The following MAGI2 variants were observed in gnomAD, a reference collection of about 807,000 sequenced individuals.
MAGI2 encodes the protein membrane associated guanylate kinase, WW and PDZ domain containing 2, also known as membrane-associated guanylate kinase, WW and PDZ domain-containing protein 2.
A neutral mutation model predicts 133.3 loss-of-function variants in MAGI2; 35 were observed. The observed-to-expected ratio is 0.26, with a 90% CI of 0.20 to 0.35. The LOEUF (loss-of-function observed/expected upper bound fraction) is 0.35. Among genes scored for constraint, MAGI2 ranks in the 10% least tolerant of loss-of-function variants. The pLI, the probability that MAGI2 is intolerant of heterozygous loss-of-function variation, is 1.00. For synonymous variants in MAGI2, 729 were observed against 710.6 expected (o/e 1.03, Z -0.41); for missense variants, 1,636 against 1,863.4 (o/e 0.88, Z 2.25).
chr7:79,219,808 G>A (rs1178928384), intron 1 of MAGI2, among the ~76,000 whole-genome samples: 1 of 151,852 alleles, frequency 6.6e-6, no homozygotes, highest in Non-Finnish European at 1.5e-5. Flanking sequence ...TAGGCTATCT[G>A]GACACTGGAA....
At chr7:79,102,031 A>G (rs1818030868) in intron 1 of MAGI2, among the ~76,000 whole-genome samples, 1 of 152,222 alleles carries the variant, frequency 6.6e-6, no homozygotes, top group Admixed American at 6.5e-5. Context: ...TATCTTAAAC[A>G]CAGGTATATG....
chr7:78,328,173 G>A (rs1299323984), intron 9 of MAGI2, among the ~76,000 whole-genome samples: 1 of 151,976 alleles, frequency 6.6e-6, no homozygotes, highest in Non-Finnish European at 1.5e-5. Context: ...CGAGGAAATG[G>A]CAGGTGGTTA....
At chr7:78,676,061 C>A (rs1814991919) in intron 2 of MAGI2, among the ~76,000 whole-genome samples, 1 of 151,948 alleles carries the variant, frequency 6.6e-6, no homozygotes, top group South Asian at 2.1e-4. Context: ...TGGACAAGGG[C>A]AATGTCAATA....
At chr7:78,553,913 G>T (rs1799572083) in intron 3 of MAGI2, among the ~76,000 whole-genome samples, 1 of 152,162 alleles carries the variant, frequency 6.6e-6, no homozygotes. Flanking sequence ...AGTCCCAAAA[G>T]AAGGAGAGAT....
chr7:78,823,125 T>G (rs1164328795), intron 2 of MAGI2, among the ~76,000 whole-genome samples: 2 of 152,174 alleles, frequency 1.3e-5, no homozygotes, highest in Admixed American at 1.3e-4. Context: ...AAGGTAATTT[T>G]AAAAGGTTGT....
At chr7:78,466,062 C>G (rs1469210775) in intron 6 of MAGI2, among the ~76,000 whole-genome samples, 3 of 152,190 alleles carry the variant, frequency 2.0e-5, no homozygotes, top group Admixed American at 2.0e-4. Flanking sequence ...TTGCTCTTAA[C>G]ATCCTCCTTG....
intron 1 of MAGI2, among the ~76,000 whole-genome samples, chr7:79,227,421 C>T (rs1307479395): frequency 6.6e-6 from 1 of 152,198 alleles, no homozygotes; most frequent in Non-Finnish European, 1.5e-5. Context: ...CTGCCAAACA[C>T]TCAATGGCAA....
chr7:79,410,427 T>C (rs1419993438), intron 1 of MAGI2: 1 of 152,170 alleles, frequency 6.6e-6, no homozygotes, highest in Non-Finnish European at 1.5e-5. Flanking sequence ...GTGTACATTG[T>C]GGATGCTTAA....
chr7:79,102,680 T>C (rs1169915817), intron 1 of MAGI2, among the ~76,000 whole-genome samples: 1 of 152,176 alleles, frequency 6.6e-6, no homozygotes, highest in African/African-American at 2.4e-5. Context: ...CCTGATCATT[T>C]GTAAGTAGGG....
intron 12 of MAGI2, 77 bp from the exon 13 acceptor site, chr7:78,185,747 G>T: frequency 1.7e-6 from 2 of 1,190,520 alleles, no homozygotes; most frequent in Non-Finnish European, 2.4e-6. Flanking sequence ...TCTTTTTGTT[G>T]CTATCATAAC....
chr7:79,158,400 G>A (rs112404341), intron 1 of MAGI2, among the ~76,000 whole-genome samples: 2,494 of 152,090 alleles, frequency 0.016, 70 homozygotes, highest in African/African-American at 0.055. Context: ...CCAAGTTCAC[G>A]TGACTTAAGA....
At chr7:79,045,075 T>G (rs1227582192) in intron 1 of MAGI2, among the ~76,000 whole-genome samples, 1 of 152,320 alleles carries the variant, frequency 6.6e-6, no homozygotes, top group East Asian at 1.9e-4. Context: ...GAAGTACTTC[T>G]CAGGAACACA....
intron 1 of MAGI2, among the ~76,000 whole-genome samples, chr7:79,200,141 C>A (rs1050351565): frequency 6.6e-6 from 1 of 151,758 alleles, no homozygotes; most frequent in Non-Finnish European, 1.5e-5. Flanking sequence ...TAGATTCAGA[C>A]AAGTGGTTTA....
intron 6 of MAGI2, among the ~76,000 whole-genome samples, chr7:78,392,486 G>T (rs1795983903): frequency 6.6e-6 from 1 of 152,046 alleles, no homozygotes; most frequent in African/African-American, 2.4e-5. Flanking sequence ...TAAGAGAAAA[G>T]ACTGTATATA....
chr7:79,313,450 C>T (rs1394800925), intron 1 of MAGI2, among the ~76,000 whole-genome samples: 2 of 151,982 alleles, frequency 1.3e-5, no homozygotes, highest in Non-Finnish European at 2.9e-5. Context: ...CTTCTTCCTC[C>T]CCTCTCCCTC....
At chr7:79,087,219 G>A (rs537485709) in intron 1 of MAGI2, among the ~76,000 whole-genome samples, 36 of 152,000 alleles carry the variant, frequency 2.4e-4, no homozygotes, top group Non-Finnish European at 4.3e-4. Context: ...ATATTCAAGA[G>A]TGAAAGGCTG....
At chr7:78,794,428 C>T (rs572685942) in intron 2 of MAGI2, among the ~76,000 whole-genome samples, 2 of 152,228 alleles carry the variant, frequency 1.3e-5, no homozygotes, top group South Asian at 4.1e-4. Flanking sequence ...ATAAAATTGT[C>T]AATGGAAATT....
At chr7:78,324,102 T>TA (rs1247069613) in intron 9 of MAGI2, among the ~76,000 whole-genome samples, 1 of 151,804 alleles carries the variant, frequency 6.6e-6, no homozygotes, top group African/African-American at 2.4e-5. Flanking sequence ...TGTTTTTATT[T>TA]AAAAAATGGA....
At chr7:78,105,701 T>C (rs1240764297) in intron 20 of MAGI2, among the ~76,000 whole-genome samples, 1 of 151,964 alleles carries the variant, frequency 6.6e-6, no homozygotes, top group African/African-American at 2.4e-5. Flanking sequence ...ATTGTTGTAT[T>C]TTCCTTTTTT....
Sources: allele counts gnomAD v4.1 joint callset (sites outside exome capture counted in the v4.1 genomes callset), GRCh38; gene constraint gnomAD v4.1.1; transcripts MANE v1.5; gene names NCBI Gene and HGNC (gene_info 2026-07-23, HGNC 2026-07-21).